ADCY8: variants seen among roughly 807,000 people sequenced by gnomAD.
ADCY8 encodes the protein adenylate cyclase type 8.
ADCY8 carries 51 observed loss-of-function variants against 119.7 expected under a neutral mutation model. The ratio of observed to expected loss-of-function variants is 0.43; its 90% CI spans 0.34 to 0.54. ADCY8 has a LOEUF of 0.54. ADCY8 is among the 20% of genes least tolerant of loss of function. The pLI is 0.03. For synonymous variants in ADCY8, 665 were observed against 651.0 expected, an observed-to-expected ratio of 1.02 and a Z score of -0.33; for missense variants, 1,383 against 1,598.8, an observed-to-expected ratio of 0.87 and a Z score of 2.30.
intron 14 of ADCY8, among the ~76,000 whole-genome samples, chr8:130,804,802 A>G (rs987958827): frequency 6.6e-5 from 10 of 152,174 alleles, no homozygotes; most frequent in African/African-American, 2.4e-4. Flanking sequence ...GCTGGAGTGC[A>G]GTGGCAGGAT....
chr8:130,928,861 G>T (rs553738874), intron 5 of ADCY8, among the ~76,000 whole-genome samples: 90 of 152,184 alleles, frequency 5.9e-4, no homozygotes, highest in Admixed American at 5.9e-4. Flanking sequence ...AGTTTGAAAA[G>T]AATTGATATT....
chr8:130,946,319 A>T (rs1354274235), intron 3 of ADCY8, among the ~76,000 whole-genome samples: 1 of 152,210 alleles, frequency 6.6e-6, no homozygotes, highest in Non-Finnish European at 1.5e-5. Context: ...TAAAAGTTTC[A>T]GATGTCTTCA....
intron 14 of ADCY8, 82 bp from the exon 15 acceptor site, chr8:130,800,654 G>A: frequency 7.0e-7 from 1 of 1,430,820 alleles, no homozygotes; most frequent in Non-Finnish European, 9.7e-7. Context: ...ACACATGTGG[G>A]TACACACGTG....
chr8:130,930,735 C>G (rs1820607697), intron 5 of ADCY8, among the ~76,000 whole-genome samples: 1 of 152,058 alleles, frequency 6.6e-6, no homozygotes, highest in South Asian at 2.1e-4. Context: ...ATTTTTATAT[C>G]AATATTTACA....
rs74778657 is a variant in ADCY8 at position 130,839,024 on chromosome 8, C to T, written c.2503-2575G>A. ...TCACACAGTAGAAAATGGAAAGGGACGGGCATTTTAGGAAGACAGAATAAC... is the reference window on the plus strand; with the variant it reads ...TCACACAGTAGAAAATGGAAAGGGATGGGCATTTTAGGAAGACAGAATAAC... On this transcript the variant is annotated intron_variant, in intron 11 of 17. Coordinates refer to ENST00000286355, the MANE Select transcript of ADCY8 (RefSeq NM_001115.3). 4.9e-3 allele frequency among the ~76,000 whole-genome samples: 676 copies of T among 139,230 alleles called. 29 individuals are homozygous for T. Among genetic ancestry groups the T allele is most frequent in the African/African-American group, 0.015 (605 of 40,832 alleles). 91.3% of individuals were successfully genotyped at this position (139,230 alleles called of 152,430 possible). A position where few individuals can be genotyped will look rare whatever the true frequency, so the allele number is the denominator to read the frequency against.
intron 2 of ADCY8, among the ~76,000 whole-genome samples, chr8:130,989,671 C>T (rs1462507662): frequency 2.0e-5 from 3 of 152,160 alleles, no homozygotes; most frequent in Non-Finnish European, 4.4e-5. Context: ...CAAAGGTATT[C>T]ATGGACTTAA....
chr8:130,793,093 T>C lies in ADCY8; in HGVS notation c.3060+7333A>G, dbSNP rs543726483. On this transcript the variant is annotated intron_variant, in intron 15 of 17. Transcript: ENST00000286355. ...CTAAGGCAGCACAAGTCAGGTTCCA[T>C]CACCTGACTTGCTCAAGAGAACAAG... is the stretch of plus-strand genomic sequence containing the variant. 2.0e-5 allele frequency among the ~76,000 whole-genome samples: 3 copies of C among 152,236 alleles called. No individual in the cohort carries two copies. In the South Asian group the frequency reaches 6.2e-4, roughly 32 times the overall value.
At chr8:130,800,300 T>C (rs1815731608) in intron 15 of ADCY8, 126 bp downstream of exon 15, 1 of 1,077,760 alleles carries the variant, frequency 9.3e-7, no homozygotes, top group African/African-American at 1.6e-5. Flanking sequence ...CATGTTTGTG[T>C]TTATAATGCA....
At chr8:130,931,579 A>C (rs758573582) in intron 5 of ADCY8, among the ~76,000 whole-genome samples, 13 of 152,048 alleles carry the variant, frequency 8.5e-5, no homozygotes, top group Non-Finnish European at 1.9e-4. Context: ...CATGACTTGA[A>C]TATTTGCTCT....
At chr8:130,912,226 C>A (rs577414305) in intron 5 of ADCY8, among the ~76,000 whole-genome samples, 1 of 152,296 alleles carries the variant, frequency 6.6e-6, no homozygotes, top group African/African-American at 2.4e-5. Flanking sequence ...TTATAATAAT[C>A]TGTCTCCTGT....
chr8:130,932,890 A>T (rs1294561839), intron 5 of ADCY8, among the ~76,000 whole-genome samples: 1 of 152,196 alleles, frequency 6.6e-6, no homozygotes, highest in Non-Finnish European at 1.5e-5. Flanking sequence ...ATGATCAGTG[A>T]GTAAGAGACT....
At chr8:130,973,820 A>G (rs914303313) in intron 2 of ADCY8, among the ~76,000 whole-genome samples, 4 of 152,218 alleles carry the variant, frequency 2.6e-5, no homozygotes, top group Non-Finnish European at 5.9e-5. Flanking sequence ...TCAATGGAGC[A>G]AAAAAGCATA....
Position 131,031,091 on chromosome 8 carries a change from T to C in ADCY8, c.960+8283A>G, listed in dbSNP as rs189337052. On this transcript the variant is annotated intron_variant, in intron 1 of 17. Coordinates refer to ENST00000286355, the MANE Select transcript of ADCY8 (RefSeq NM_001115.3). ...ATAAAGGATTCCCTCTATAGGAATATATATGTATATATCTCCCTACATAGG... is the reference window on the plus strand; with the variant it reads ...ATAAAGGATTCCCTCTATAGGAATACATATGTATATATCTCCCTACATAGG... Among the ~76,000 whole-genome samples the C allele has an allele frequency of 2.2e-4, 34 of 152,312 alleles. No individual in the cohort carries two copies. In the East Asian group the frequency reaches 4.1e-3, roughly 18 times the overall value.
intron 14 of ADCY8, among the ~76,000 whole-genome samples, chr8:130,802,066 C>A (rs557753537): frequency 2.6e-4 from 40 of 152,138 alleles, no homozygotes; most frequent in African/African-American, 9.2e-4. Context: ...GGTTAGTTAT[C>A]CTTCTTGGGC....
In ADCY8 at chr8:130,847,454, AGCT is replaced by A. The variant is rs1209392677; in HGVS notation, c.2469_2471del (p.Ala824del). On this transcript the variant is annotated inframe_deletion, in exon 11 of 18. Transcript: ENST00000286355. ...GGTAGGAGCAGATATCTGTAAACAC[AGCT>A]GAGGAATTGAAAGTCAGGTTCTTCA... 1.4e-5 allele frequency: 22 copies of A among 1,613,308 alleles called. No individual in the cohort carries two copies. The highest frequency in any genetic ancestry group is 2.7e-5 in the African/African-American group (2 of 74,770).
chr8:130,935,916 G>T (rs539542429), intron 5 of ADCY8, among the ~76,000 whole-genome samples: 1 of 152,190 alleles, frequency 6.6e-6, no homozygotes, highest in East Asian at 1.9e-4. Flanking sequence ...TTTTTCCATG[G>T]TATGCTCTGA....
At chr8:130,822,535 A>AATCAATCC (rs1225112233) in intron 12 of ADCY8, among the ~76,000 whole-genome samples, 3 of 139,664 alleles carry the variant, frequency 2.1e-5, no homozygotes, top group Non-Finnish European at 1.6e-5. Flanking sequence ...TGAATCCATG[A>AATCAATCC]ATCCATCCAT....
chr8:130,984,520 G>A (rs1822338915), intron 2 of ADCY8, among the ~76,000 whole-genome samples: 1 of 151,762 alleles, frequency 6.6e-6, no homozygotes, highest in African/African-American at 2.4e-5. Context: ...AAGGAAAGTG[G>A]AGAAAAGGGA....
At chr8:131,023,642 A>G (rs924859701) in intron 1 of ADCY8, among the ~76,000 whole-genome samples, 1 of 152,222 alleles carries the variant, frequency 6.6e-6, no homozygotes, top group Non-Finnish European at 1.5e-5. Context: ...ATCTTACTAC[A>G]TATTTCCTAG....
Sources: allele counts gnomAD v4.1 joint callset (sites outside exome capture counted in the v4.1 genomes callset), GRCh38; gene constraint gnomAD v4.1.1; transcripts MANE v1.5; gene names NCBI Gene and HGNC (gene_info 2026-07-23, HGNC 2026-07-21).